MACROD2: variants seen among roughly 807,000 people sequenced by gnomAD.
MACROD2 encodes mono-ADP ribosylhydrolase 2, also known as ADP-ribose glycohydrolase MACROD2.
In MACROD2, 36 loss-of-function variants were observed where a neutral mutation model predicts 70.4. That is an observed-to-expected ratio of 0.51 (90% CI 0.39 to 0.68). The LOEUF is 0.68. MACROD2 is among the 30% of genes least tolerant of loss of function. The probability of loss-of-function intolerance (pLI) is 0.00; values close to 1 mark genes in which losing one functional copy is unlikely to be tolerated. For synonymous variants in MACROD2, 172 were observed against 178.8 expected, an observed-to-expected ratio of 0.96 and a Z score of 0.30; for missense variants, 496 against 538.4, an observed-to-expected ratio of 0.92 and a Z score of 0.78.
intron 3 of MACROD2, among the ~76,000 whole-genome samples, chr20:14,447,179 C>T (rs1310920244): frequency 6.6e-6 from 1 of 151,976 alleles, no homozygotes; most frequent in Non-Finnish European, 1.5e-5. Context: ...CCACCACACC[C>T]AGCTAATTTT....
intron 5 of MACROD2, among the ~76,000 whole-genome samples, chr20:15,141,128 G>A (rs1260535855): frequency 1.3e-5 from 2 of 150,986 alleles, no homozygotes; most frequent in African/African-American, 2.4e-5. Context: ...ATATACATGT[G>A]TTTGCATAAG....
chr20:14,190,694 ATATATTTTTT>A (rs2081378527), intron 3 of MACROD2, among the ~76,000 whole-genome samples: 1 of 38,988 alleles, frequency 2.6e-5, no homozygotes, highest in African/African-American at 1.0e-4. Flanking sequence ...ATATATATAT[ATATATTTTTT>A]TTTTTTTTTT....
intron 8 of MACROD2, among the ~76,000 whole-genome samples, chr20:15,576,053 G>A (rs576818148): frequency 3.3e-5 from 5 of 151,994 alleles, no homozygotes; most frequent in African/African-American, 4.8e-5. Context: ...CCTGCCATAC[G>A]AGTAACAACC....
intron 3 of MACROD2, among the ~76,000 whole-genome samples, chr20:14,378,493 C>G (rs927381517): frequency 6.6e-6 from 1 of 152,182 alleles, no homozygotes; most frequent in Non-Finnish European, 1.5e-5. Flanking sequence ...GCTCAGAGGC[C>G]TCTGCTGCAA....
In MACROD2 at chr20:15,684,450, G is replaced by A. The variant is rs553146524; in HGVS notation, c.646-178295G>A. ...AGGCAAATAGCACTGTCAGCTTGAA[G>A]TGAGCAGACTAGGACGGCTACCACA... On this transcript the variant is annotated intron_variant, in intron 8 of 17. Coordinates refer to ENST00000684519, the MANE Select transcript of MACROD2 (RefSeq NM_001351661.2). Among the ~76,000 whole-genome samples, 6 of 152,352 alleles carry A rather than the reference G, an allele frequency of 3.9e-5. No individual in the cohort carries two copies. In the South Asian group the frequency reaches 1.2e-3, roughly 32 times the overall value.
chr20:14,147,873 C>A (rs868395200), intron 3 of MACROD2, among the ~76,000 whole-genome samples: 1 of 151,276 alleles, frequency 6.6e-6, no homozygotes, highest in Non-Finnish European at 1.5e-5. Flanking sequence ...ACTCTTTTTT[C>A]TTTTTAATGG....
chr20:14,338,653 T>G (rs574261612), intron 3 of MACROD2, among the ~76,000 whole-genome samples: 2 of 152,196 alleles, frequency 1.3e-5, no homozygotes, highest in African/African-American at 4.8e-5. Context: ...GATCTGAGCA[T>G]GGGTTTAGAT....
At chr20:14,866,299 G>T (rs2073426995) in intron 5 of MACROD2, among the ~76,000 whole-genome samples, 1 of 152,066 alleles carries the variant, frequency 6.6e-6, no homozygotes, top group Non-Finnish European at 1.5e-5. Context: ...GCAAAACTCA[G>T]GTGTTGACAC....
chr20:16,036,542 ATGTACCTCT>A (rs2067239081), intron 15 of MACROD2, among the ~76,000 whole-genome samples: 1 of 151,986 alleles, frequency 6.6e-6, no homozygotes, highest in African/African-American at 2.4e-5. Context: ...GAGCTCTGGA[ATGTACCTCT>A]TGTTTGTGTT....
intron 5 of MACROD2, among the ~76,000 whole-genome samples, chr20:14,814,438 G>A (rs1383150194): frequency 1.3e-5 from 2 of 151,990 alleles, no homozygotes; most frequent in Non-Finnish European, 2.9e-5. Context: ...GTTGTAAAAG[G>A]GAGTTAGCAG....
chr20:15,452,116 A>T (rs139704144), intron 7 of MACROD2, among the ~76,000 whole-genome samples: 2 of 152,274 alleles, frequency 1.3e-5, no homozygotes, highest in African/African-American at 4.8e-5. Context: ...AGCCCTTTCC[A>T]TCCACTGTTT....
At chr20:14,271,827 T>A (rs1051135169) in intron 3 of MACROD2, among the ~76,000 whole-genome samples, 11 of 151,830 alleles carry the variant, frequency 7.2e-5, no homozygotes, top group African/African-American at 2.7e-4. Context: ...AAACCAAGGC[T>A]CGAGAACTAC....
intron 5 of MACROD2, among the ~76,000 whole-genome samples, chr20:15,114,446 C>T (rs1426561022): frequency 1.3e-5 from 2 of 152,030 alleles, no homozygotes; most frequent in African/African-American, 4.8e-5. Context: ...AATGGGCCAC[C>T]TAAGGAGGTG....
chr20:15,138,971 A>G (rs555732141), intron 5 of MACROD2, among the ~76,000 whole-genome samples: 197 of 152,266 alleles, frequency 1.3e-3, no homozygotes, highest in African/African-American at 4.2e-3. Context: ...GAGTCTAATC[A>G]TAGAAGGAGT....
At chr20:14,839,433 C>T (rs989203123) in intron 5 of MACROD2, among the ~76,000 whole-genome samples, 1 of 152,060 alleles carries the variant, frequency 6.6e-6, no homozygotes, top group African/African-American at 2.4e-5. Flanking sequence ...GCATGTAAGA[C>T]AAAGAAACAT....
intron 8 of MACROD2, among the ~76,000 whole-genome samples, chr20:15,693,083 T>G (rs966524631): frequency 6.6e-6 from 1 of 152,186 alleles, no homozygotes; most frequent in Non-Finnish European, 1.5e-5. Context: ...CCAATCATGC[T>G]TCCTGTTAAG....
intron 8 of MACROD2, among the ~76,000 whole-genome samples, chr20:15,777,091 C>T (rs1345047114): frequency 1.3e-5 from 2 of 152,132 alleles, no homozygotes; most frequent in Middle Eastern, 3.2e-3. Flanking sequence ...TAAGGAACTG[C>T]CTGGAAGATC....
At chr20:15,183,283 C>T (rs2076512686) in intron 5 of MACROD2, among the ~76,000 whole-genome samples, 1 of 152,058 alleles carries the variant, frequency 6.6e-6, no homozygotes, top group African/African-American at 2.4e-5. Flanking sequence ...TCCTATAATC[C>T]TAGAACTTTG....
In MACROD2 at chr20:14,770,930, T is replaced by C. The variant is rs1002865373; in HGVS notation, c.418+85971T>C. 7.2e-5 allele frequency among the ~76,000 whole-genome samples: 11 copies of C among 152,212 alleles called. No homozygotes were observed. In the East Asian group the frequency reaches 1.9e-3, roughly 27 times the overall value. On this transcript the variant is annotated intron_variant, in intron 5 of 17. Coordinates refer to ENST00000684519, the MANE Select transcript of MACROD2 (RefSeq NM_001351661.2). ...CCAAAGATGTTATGATGGTTAATTT[T>C]CTGTGTCAACTTGACTAGATCATAG...
Sources: gnomAD v4.1 joint callset for allele counts (sites outside exome capture counted in the v4.1 genomes callset) on GRCh38, gnomAD v4.1.1 for gene constraint, MANE v1.5 for transcripts, NCBI Gene and HGNC (gene_info 2026-07-23, HGNC 2026-07-21) for gene names.